CCNH: variants seen among roughly 807,000 people sequenced by gnomAD.
CCNH encodes the protein cyclin H, also known as cyclin-H.
CCNH carries 31 observed loss-of-function variants against 41.9 expected under a neutral mutation model. The observed-to-expected ratio is 0.74, with a 90% CI of 0.56 to 1.00. The LOEUF is 1.00. Ranked by LOEUF, CCNH falls within the 50% of genes least tolerant of loss-of-function variation. CCNH has a pLI of 0.00. For synonymous variants in CCNH, 138 were observed against 136.1 expected (o/e 1.01, Z -0.10); for missense variants, 362 against 388.4 (o/e 0.93, Z 0.57).
chr5:87,339,253 G>C (rs1240503121), intron 9 of CCNH, among the ~76,000 whole-genome samples: 1 of 152,118 alleles, frequency 6.6e-6, no homozygotes, highest in Non-Finnish European at 1.5e-5. Flanking sequence ...ATACTGAGTA[G>C]AGGTGGGAAA....
At chr5:87,312,125 A>G in the CCNH span, among the ~76,000 whole-genome samples, 3 of 152,254 alleles carry the variant, frequency 2.0e-5, no homozygotes, top group African/African-American at 7.2e-5. Context: ...GATATGCATC[A>G]GTAAATGATA....
At chr5:87,411,650 T>A (rs1012793007) in intron 1 of CCNH, among the ~76,000 whole-genome samples, 1 of 152,128 alleles carries the variant, frequency 6.6e-6, no homozygotes, top group African/African-American at 2.4e-5. Context: ...TCATTATTTA[T>A]AAATTAAAAA....
chr5:87,395,899 G>A (rs1378003130), intron 7 of CCNH, among the ~76,000 whole-genome samples: 1 of 151,848 alleles, frequency 6.6e-6, no homozygotes. Flanking sequence ...GGGAGCTGGG[G>A]CAAAAATTAG....
intron 9 of CCNH, among the ~76,000 whole-genome samples, chr5:87,357,598 T>A (rs1580343930): frequency 6.6e-6 from 1 of 151,946 alleles, no homozygotes; most frequent in Non-Finnish European, 1.5e-5. Context: ...CCAGCTACTC[T>A]GGAGGCTGAG....
At chr5:87,321,183 G>C (rs547172410) in intron 9 of CCNH, among the ~76,000 whole-genome samples, 96 of 152,246 alleles carry the variant, frequency 6.3e-4, no homozygotes, top group African/African-American at 2.3e-3. Flanking sequence ...TATACAAGTT[G>C]GCAGTAGTTT....
downstream of CCNH, among the ~76,000 whole-genome samples, chr5:87,318,152 A>C (rs891211679): frequency 6.6e-6 from 1 of 152,198 alleles, no homozygotes; most frequent in African/African-American, 2.4e-5. Context: ...TCCAGAGAAC[A>C]GTTCTACCTG....
chr5:87,400,634 G>A (rs1763334018), intron 6 of CCNH, among the ~76,000 whole-genome samples: 1 of 152,158 alleles, frequency 6.6e-6, no homozygotes, highest in Non-Finnish European at 1.5e-5. Flanking sequence ...ATACATAGAT[G>A]CCCTGAAGCA....
intron 9 of CCNH, chr5:87,338,161 C>T: frequency 6.3e-7 from 1 of 1,595,156 alleles, no homozygotes; most frequent in East Asian, 2.3e-5. Flanking sequence ...TGTCCGTAAT[C>T]AGAGAAAGTA....
rs148390516 is a variant in CCNH, at chr5:87,369,343, AGAT to A, written c.*90+23424_*90+23426del. On this transcript the variant is annotated intron_variant and NMD_transcript_variant, in intron 9 of 9. Coordinates refer to the CCNH transcript ENST00000645953. ...CTCTAGAACAAGCATATGTATGAAG[AGAT>A]GATGTTTCCATTTTAACAGGTGAAG... Among the ~76,000 whole-genome samples the A allele has an allele frequency of 1.2e-3, 190 of 152,322 alleles. 1 individual carries two copies. The highest frequency in any genetic ancestry group is 4.3e-3 in the African/African-American group (180 of 41,580).
chr5:87,377,091 T>C (rs1398034234), exon 1 of CCNH: 4 of 1,544,232 alleles, frequency 2.6e-6, no homozygotes, highest in African/African-American at 2.7e-5. Context: ...TTAGATTTTA[T>C]ATCAAGGATA....
chr5:87,358,049 A>G (rs1759787565), intron 9 of CCNH, among the ~76,000 whole-genome samples: 1 of 152,332 alleles, frequency 6.6e-6, no homozygotes, highest in South Asian at 2.1e-4. Context: ...TTTAACTATT[A>G]GTACAAAAGC....
intron 9 of CCNH, among the ~76,000 whole-genome samples, chr5:87,365,354 CAGAG>C (rs926566158): frequency 2.0e-5 from 3 of 152,102 alleles, no homozygotes; most frequent in East Asian, 1.9e-4. Context: ...CACTTGGAGA[CAGAG>C]AGCTCTTTAT....
chr5:87,325,594 A>G (rs887712294), intron 9 of CCNH, among the ~76,000 whole-genome samples: 1 of 152,182 alleles, frequency 6.6e-6, no homozygotes, highest in African/African-American at 2.4e-5. Context: ...TGGCAATTGG[A>G]TTTCTGCATG....
At chr5:87,374,370 ATTTC>A (rs1242987337), downstream of CCNH, 1 of 1,533,908 alleles carries the variant, frequency 6.5e-7, no homozygotes, top group East Asian at 2.4e-5. Flanking sequence ...ACCATATTGC[ATTTC>A]TTTCTGTTTT....
intron 7 of CCNH, among the ~76,000 whole-genome samples, chr5:87,395,411 T>C (rs1306899507): frequency 6.6e-6 from 1 of 152,178 alleles, no homozygotes; most frequent in Non-Finnish European, 1.5e-5. Context: ...TGGAGGACCT[T>C]GTCCCAGTTA....
intron 8 of CCNH, 56 bp from the exon 9 acceptor site, chr5:87,394,540 T>C (rs1341120081): frequency 6.2e-7 from 1 of 1,600,126 alleles, no homozygotes. Context: ...CAGTATTGTT[T>C]ACCTCTTACC....
At chr5:87,403,186 T>A (rs1290797192) in intron 5 of CCNH, among the ~76,000 whole-genome samples, 1 of 137,382 alleles carries the variant, frequency 7.3e-6, no homozygotes, top group Non-Finnish European at 1.5e-5. Context: ...TGCCTGTAAA[T>A]CAGCTGTAAG....
At chr5:87,380,571 C>A (rs767789983), upstream of CCNH, 5 of 1,612,678 alleles carry the variant, frequency 3.1e-6, no homozygotes, top group African/African-American at 5.3e-5. Flanking sequence ...CCTACAAATA[C>A]CACCATGAGA....
chr5:87,358,942 T>G (rs775175161), intron 9 of CCNH, among the ~76,000 whole-genome samples: 1 of 129,484 alleles, frequency 7.7e-6, no homozygotes, highest in Non-Finnish European at 1.7e-5. Flanking sequence ...TTTAGCAAAT[T>G]AGCAAATGAC....
Sources: allele counts gnomAD v4.1 joint callset (sites outside exome capture counted in the v4.1 genomes callset), GRCh38; gene constraint gnomAD v4.1.1; transcripts MANE v1.5; gene names NCBI Gene and HGNC (gene_info 2026-07-23, HGNC 2026-07-21).